CRPPA: variants seen among roughly 807,000 people sequenced by gnomAD.
CRPPA encodes D-ribitol-5-phosphate cytidylyltransferase.
Under a neutral mutation model 52.0 loss-of-function variants are expected in CRPPA, and 43 were observed. That is an observed-to-expected ratio of 0.83 (90% confidence interval 0.65 to 1.07). The LOEUF (loss-of-function observed/expected upper bound fraction) is 1.07, where lower values mean the gene tolerates loss of function less well. Ranked by LOEUF, CRPPA falls within the 50% of genes least tolerant of loss-of-function variation. The pLI is 0.00. For synonymous variants in CRPPA, 250 were observed against 203.5 expected, an observed-to-expected ratio of 1.23 and a Z score of -1.94; for missense variants, 629 against 551.7, an observed-to-expected ratio of 1.14 and a Z score of -1.40.
intron 9 of CRPPA, among the ~76,000 whole-genome samples, chr7:16,172,530 TAAAC>T (rs1217758959): frequency 4.6e-5 from 7 of 152,216 alleles, no homozygotes; most frequent in Non-Finnish European, 7.3e-5. Flanking sequence ...TCAGGTTATT[TAAAC>T]AGAGGGTTGC....
Position 16,157,966 on chromosome 7 carries a change from G to C in CRPPA, c.1251+58100C>G, listed in dbSNP as rs368848360. ...CTTGGCCCACTGCAACCTCCACCTCGGGGAATCAAGCGATTCCCCTGCCTC... is the reference window on the plus strand; with the variant it reads ...CTTGGCCCACTGCAACCTCCACCTCCGGGAATCAAGCGATTCCCCTGCCTC... On this transcript the variant is annotated intron_variant, in intron 9 of 9. Transcript: ENST00000407010. 2.7e-3 allele frequency among the ~76,000 whole-genome samples: 412 copies of C among 151,602 alleles called. 3 individuals are homozygous for C. The highest frequency in any genetic ancestry group is 9.5e-3 in the African/African-American group (393 of 41,342).
chr7:16,141,377 T>C (rs1183570022), intron 9 of CRPPA, among the ~76,000 whole-genome samples: 1 of 152,172 alleles, frequency 6.6e-6, no homozygotes, highest in Non-Finnish European at 1.5e-5. Flanking sequence ...TCAAGAACCA[T>C]TTTTTCCATC....
intron 8 of CRPPA, among the ~76,000 whole-genome samples, chr7:16,225,691 A>G (rs1782630111): frequency 6.6e-6 from 1 of 151,898 alleles, no homozygotes; most frequent in African/African-American, 2.4e-5. Flanking sequence ...AATTATTATT[A>G]AGGTTCTCTG....
intron 3 of CRPPA, among the ~76,000 whole-genome samples, chr7:16,331,837 G>A (rs1375971306): frequency 6.6e-6 from 1 of 152,024 alleles, no homozygotes; most frequent in African/African-American, 2.4e-5. Flanking sequence ...ATTCAGAATA[G>A]AATAATTAAG....
At chr7:16,196,585 G>A (rs1003736428) in intron 9 of CRPPA, among the ~76,000 whole-genome samples, 2 of 152,104 alleles carry the variant, frequency 1.3e-5, no homozygotes, top group African/African-American at 4.8e-5. Context: ...GAGTAATGTA[G>A]CTAGCAAATT....
At chr7:16,310,376 A>G (rs1027409343) in intron 3 of CRPPA, among the ~76,000 whole-genome samples, 4 of 152,156 alleles carry the variant, frequency 2.6e-5, no homozygotes, top group African/African-American at 9.7e-5. Flanking sequence ...ACACGCCCCA[A>G]GTAGAAAACT....
chr7:16,265,448 A>C (rs1783928614), intron 6 of CRPPA, among the ~76,000 whole-genome samples: 1 of 152,218 alleles, frequency 6.6e-6, no homozygotes, highest in Admixed American at 6.5e-5. Flanking sequence ...TCAGCCCGGA[A>C]GATCCATTTG....
intron 9 of CRPPA, among the ~76,000 whole-genome samples, chr7:16,136,918 G>A (rs1170469281): frequency 6.6e-6 from 1 of 152,118 alleles, no homozygotes; most frequent in African/African-American, 2.4e-5. Context: ...TATAATGTGG[G>A]CCAAGTTTAA....
intron 3 of CRPPA, among the ~76,000 whole-genome samples, chr7:16,326,161 C>T (rs1785384345): frequency 6.6e-6 from 1 of 151,742 alleles, no homozygotes; most frequent in South Asian, 2.1e-4. Context: ...ATATTCCCTC[C>T]CTGGATAATA....
chr7:16,139,196 G>C (rs913398058), intron 9 of CRPPA, among the ~76,000 whole-genome samples: 1 of 152,182 alleles, frequency 6.6e-6, no homozygotes, highest in African/African-American at 2.4e-5. Context: ...GGAATCCAAC[G>C]AGGTGGAAAC....
chr7:16,338,849 T>G (rs561688631), intron 3 of CRPPA, among the ~76,000 whole-genome samples: 91 of 148,218 alleles, frequency 6.1e-4, no homozygotes, highest in African/African-American at 2.0e-3. Flanking sequence ...AGAGTGCTGC[T>G]CTGTCACCCA....
At chr7:16,254,489 C>T (rs1249245474) in intron 8 of CRPPA, among the ~76,000 whole-genome samples, 1 of 151,858 alleles carries the variant, frequency 6.6e-6, no homozygotes, top group African/African-American at 2.4e-5. Context: ...ATTGCAAGGA[C>T]AGAAAACCAA....
chr7:16,316,898 C>G (rs575414243), intron 3 of CRPPA, among the ~76,000 whole-genome samples: 4 of 151,966 alleles, frequency 2.6e-5, no homozygotes, highest in African/African-American at 9.6e-5. Flanking sequence ...TCTAAACACC[C>G]GATTGTAAAA....
chr7:16,407,087 T>G (rs1787971856), intron 1 of CRPPA, among the ~76,000 whole-genome samples: 1 of 152,172 alleles, frequency 6.6e-6, no homozygotes, highest in Non-Finnish European at 1.5e-5. Flanking sequence ...ACGATTCTCG[T>G]GCCTCAGCCT....
chr7:16,091,832 G>C, intron 9 of CRPPA, 33 bp from the exon 10 acceptor site: 2 of 1,246,856 alleles, frequency 1.6e-6, no homozygotes, highest in Non-Finnish European at 2.2e-6. Context: ...TAATATTTTA[G>C]AAAAAACATA....
chr7:16,165,314 T>C (rs934630603), intron 9 of CRPPA, among the ~76,000 whole-genome samples: 4 of 151,884 alleles, frequency 2.6e-5, no homozygotes, highest in Non-Finnish European at 4.4e-5. Context: ...TACTAAGAGA[T>C]GAAATGATCT....
chr7:16,109,746 A>G (rs1782224275), intron 9 of CRPPA, among the ~76,000 whole-genome samples: 1 of 152,100 alleles, frequency 6.6e-6, no homozygotes, highest in African/African-American at 2.4e-5. Flanking sequence ...AGCACTTGAC[A>G]AAATTCAGCA....
At chr7:16,397,906 G>A (rs920050597) in intron 2 of CRPPA, among the ~76,000 whole-genome samples, 1 of 152,134 alleles carries the variant, frequency 6.6e-6, no homozygotes, top group Admixed American at 6.5e-5. Context: ...AAGCATGTTT[G>A]ACGTGACCAA....
intron 9 of CRPPA, among the ~76,000 whole-genome samples, chr7:16,128,617 G>A (rs1211201634): frequency 1.3e-5 from 2 of 152,098 alleles, no homozygotes; most frequent in African/African-American, 2.4e-5. Flanking sequence ...TATAAAACAT[G>A]GGAGTTATTA....
Sources: allele counts gnomAD v4.1 joint callset (sites outside exome capture counted in the v4.1 genomes callset), GRCh38; gene constraint gnomAD v4.1.1; transcripts MANE v1.5; gene names NCBI Gene and HGNC (gene_info 2026-07-23, HGNC 2026-07-21).